Variants in ERG observed in about 807,000 individuals in gnomAD.
The protein encoded by ERG is transcriptional regulator ERG.
Under a neutral mutation model 55.3 loss-of-function variants are expected in ERG, and 9 were observed. The ratio of observed to expected loss-of-function variants is 0.16; its 90% CI spans 0.10 to 0.28. The LOEUF (loss-of-function observed/expected upper bound fraction) is 0.28, where lower values mean the gene tolerates loss of function less well. Among genes scored for constraint, ERG ranks in the 10% least tolerant of loss-of-function variants. The pLI, the probability that ERG is intolerant of heterozygous loss-of-function variation, is 1.00. For missense variants in ERG, 434 were observed against 631.6 expected, an observed-to-expected ratio of 0.69 and a Z score of 3.35; for synonymous variants, 223 against 237.3, an observed-to-expected ratio of 0.94 and a Z score of 0.55.
intron 1 of ERG, among the ~76,000 whole-genome samples, chr21:38,578,736 G>T (rs900693621): frequency 6.6e-6 from 1 of 152,078 alleles, no homozygotes; most frequent in Non-Finnish European, 1.5e-5. Flanking sequence ...CAGACCAGCC[G>T]CTAGCCAAGT....
intron 2 of ERG, among the ~76,000 whole-genome samples, chr21:38,560,579 C>T (rs1264185369): frequency 6.6e-6 from 1 of 152,148 alleles, no homozygotes; most frequent in Non-Finnish European, 1.5e-5. Flanking sequence ...ACAGGCACAG[C>T]CCCCTTCCCC....
intron 2 of ERG, among the ~76,000 whole-genome samples, chr21:38,432,074 C>G (rs572110196): frequency 6.6e-6 from 1 of 152,076 alleles, no homozygotes; most frequent in East Asian, 1.9e-4. Flanking sequence ...TTCATAACTC[C>G]CAAATTTCTA....
At chr21:38,653,007 C>T (rs994326433) in intron 1 of ERG, among the ~76,000 whole-genome samples, 1 of 152,220 alleles carries the variant, frequency 6.6e-6, no homozygotes, top group African/African-American at 2.4e-5. Context: ...GCACGGCATT[C>T]GCATTCACCG....
intron 2 of ERG, among the ~76,000 whole-genome samples, chr21:38,440,817 C>T (rs1298812450): frequency 2.7e-5 from 4 of 145,582 alleles, no homozygotes; most frequent in Non-Finnish European, 4.5e-5. Context: ...AAAAAAAGCC[C>T]ACAGTGAGTC....
intron 1 of ERG, among the ~76,000 whole-genome samples, chr21:38,632,559 G>C (rs1568962454): frequency 6.6e-6 from 1 of 152,162 alleles, no homozygotes; most frequent in Non-Finnish European, 1.5e-5. Context: ...TCGTGATAGT[G>C]AATAAGTCTC....
intron 1 of ERG, among the ~76,000 whole-genome samples, chr21:38,458,470 G>C (rs957658564): frequency 6.6e-6 from 1 of 151,266 alleles, no homozygotes; most frequent in African/African-American, 2.4e-5. Flanking sequence ...GGCCAGTCAG[G>C]CTCCCATGGG....
At position 38,382,167 on chromosome 21, in the gene ERG, T is replaced by C. The variant is rs941358636; in HGVS notation, c.*1236A>G. The C allele has an allele frequency of 2.9e-6, 3 of 1,050,332 alleles. No homozygotes were observed. Among genetic ancestry groups the C allele is most frequent in the African/African-American group, 3.4e-5 (2 of 59,686 alleles). 65.1% of individuals were successfully genotyped at this position (1,050,332 alleles called of 1,614,324 possible). Reference sequence around the variant, plus strand: ...TATATCGATTGTCTCTTTTGTCGTGTGTCTTTGGCTGGCCGAGATCAACTC... The same window carrying C: ...TATATCGATTGTCTCTTTTGTCGTGCGTCTTTGGCTGGCCGAGATCAACTC... On this transcript the variant is annotated 3_prime_UTR_variant, in exon 10 of 10. Transcript: ENST00000288319.
chr21:38,381,945 A>G lies in ERG; in HGVS notation c.*1458T>C. ...GTTCCTGGACAAAGTAAATTATAAC[A>G]CAAAATCCACAACATTCAGCACATG... On this transcript the variant is annotated 3_prime_UTR_variant, in exon 10 of 10. Coordinates refer to ENST00000288319, the MANE Select transcript of ERG (RefSeq NM_182918.4). 2 of 1,062,880 alleles carry G rather than the reference A, an allele frequency of 1.9e-6. No individual in the cohort carries two copies. The highest frequency in any genetic ancestry group is 3.3e-5 in the African/African-American group (2 of 61,022). 65.8% of individuals were successfully genotyped at this position (1,062,880 alleles called of 1,614,324 possible). A position where few individuals can be genotyped will look rare whatever the true frequency, so the allele number is the denominator to read the frequency against.
At chr21:38,618,808 C>A (rs888494418) in intron 1 of ERG, among the ~76,000 whole-genome samples, 21 of 152,214 alleles carry the variant, frequency 1.4e-4, no homozygotes, top group Admixed American at 7.2e-4. Flanking sequence ...AGCAGTGTGA[C>A]ATTGCTCAAG....
At chr21:38,550,758 A>G (rs2059819057) in intron 2 of ERG, among the ~76,000 whole-genome samples, 1 of 152,200 alleles carries the variant, frequency 6.6e-6, no homozygotes, top group Non-Finnish European at 1.5e-5. Flanking sequence ...AATTGAGAAA[A>G]CAGAGACTAT....
intron 2 of ERG, among the ~76,000 whole-genome samples, chr21:38,518,825 CA>C (rs2059572715): frequency 6.6e-6 from 1 of 152,080 alleles, no homozygotes; most frequent in Admixed American, 6.6e-5. Context: ...AAATTTTCAT[CA>C]AAAGACACTA....
At chr21:38,622,422 A>AC (rs80346364) in intron 1 of ERG, among the ~76,000 whole-genome samples, 96,932 of 150,650 alleles carry the variant, frequency 0.64, 31,654 homozygotes, top group East Asian at 0.83. Context: ...TACATATCAC[A>AC]CACACACACA....
chr21:38,449,924 G>A lies in ERG; in HGVS notation c.19-4303C>T, dbSNP rs114020430. On this transcript the variant is annotated intron_variant, in intron 1 of 9. Coordinates refer to ENST00000288319, the MANE Select transcript of ERG (RefSeq NM_182918.4). ...AAGCAAAGGCATCCATGGTCCTTTCGTGGTTTTCAAAAATTAGGAAGATGG... is the reference window on the plus strand; with the variant it reads ...AAGCAAAGGCATCCATGGTCCTTTCATGGTTTTCAAAAATTAGGAAGATGG... Among the ~76,000 whole-genome samples, 464 of 152,174 alleles carry A rather than the reference G, an allele frequency of 3.0e-3. 5 individuals are homozygous for A. The highest frequency in any genetic ancestry group is 0.01 in the African/African-American group (433 of 41,520).
chr21:38,450,716 A>ATACAC (rs2058933775), intron 1 of ERG, among the ~76,000 whole-genome samples: 1 of 152,228 alleles, frequency 6.6e-6, no homozygotes, highest in Non-Finnish European at 1.5e-5. Flanking sequence ...TGATTACAAG[A>ATACAC]TACACCACTT....
chr21:38,435,249 A>G (rs188215692), intron 2 of ERG, among the ~76,000 whole-genome samples: 67 of 152,304 alleles, frequency 4.4e-4, no homozygotes, highest in African/African-American at 1.5e-3. Context: ...TAATCGACTG[A>G]GCAAGCTCCT....
At chr21:38,546,425 G>A (rs1020374642) in intron 2 of ERG, among the ~76,000 whole-genome samples, 2 of 152,122 alleles carry the variant, frequency 1.3e-5, no homozygotes, top group African/African-American at 4.8e-5. Context: ...GCGGGTGTAT[G>A]CTCATGTGAT....
At chr21:38,449,066 G>A (rs1005217929) in intron 1 of ERG, 1 of 152,206 alleles carries the variant, frequency 6.6e-6, no homozygotes, top group Non-Finnish European at 1.5e-5. Flanking sequence ...GCCTTAGTTA[G>A]CATGTATAGA....
chr21:38,413,289 G>C (rs183357884), intron 3 of ERG, among the ~76,000 whole-genome samples: 23 of 152,226 alleles, frequency 1.5e-4, no homozygotes, highest in African/African-American at 5.1e-4. Context: ...GCAATTCCAG[G>C]TGTTTTGCAA....
intron 1 of ERG, among the ~76,000 whole-genome samples, chr21:38,597,088 C>T (rs1038090466): frequency 1.3e-5 from 2 of 152,210 alleles, no homozygotes; most frequent in Non-Finnish European, 2.9e-5. Context: ...CGGGCTGTGG[C>T]CCACTCTGGA....
Sources: allele counts gnomAD v4.1 joint callset (sites outside exome capture counted in the v4.1 genomes callset), GRCh38; gene constraint gnomAD v4.1.1; transcripts MANE v1.5; gene names NCBI Gene and HGNC (gene_info 2026-07-23, HGNC 2026-07-21).